Variants in HIPK2 observed in about 807,000 individuals in gnomAD.
The protein encoded by HIPK2 is homeodomain interacting protein kinase 2, also known as homeodomain-interacting protein kinase 2.
Under a neutral mutation model 113.7 loss-of-function variants are expected in HIPK2, and 27 were observed. That is an observed-to-expected ratio of 0.24 (90% CI 0.17 to 0.33). The LOEUF (loss-of-function observed/expected upper bound fraction) is 0.33, where lower values mean the gene tolerates loss of function less well. Among genes scored for constraint, HIPK2 ranks in the 10% least tolerant of loss-of-function variants. The probability of loss-of-function intolerance (pLI) is 1.00; values close to 1 mark genes in which losing one functional copy is unlikely to be tolerated. For synonymous variants in HIPK2, 631 were observed against 642.2 expected, an observed-to-expected ratio of 0.98 and a Z score of 0.26; for missense variants, 1,257 against 1,588.0, an observed-to-expected ratio of 0.79 and a Z score of 3.54.
At chr7:139,652,909 GGGGT>G (rs1801515006) in intron 2 of HIPK2, among the ~76,000 whole-genome samples, 1 of 152,096 alleles carries the variant, frequency 6.6e-6, no homozygotes, top group African/African-American at 2.4e-5. Flanking sequence ...TTGGGAGGCC[GGGGT>G]GGGTGGATCA....
intron 1 of HIPK2, among the ~76,000 whole-genome samples, chr7:139,773,291 G>C (rs11972075): frequency 0.069 from 10,428 of 152,190 alleles, 640 homozygotes; most frequent in Admixed American, 0.19. Context: ...GAAAAATAAA[G>C]ATCTGCCTAT....
At chr7:139,762,970 C>T (rs180938386) in intron 1 of HIPK2, among the ~76,000 whole-genome samples, 381 of 152,320 alleles carry the variant, frequency 2.5e-3, no homozygotes, top group Non-Finnish European at 3.6e-3. Context: ...TCAGGGAAAG[C>T]CTCCTGGAGG....
intron 2 of HIPK2, among the ~76,000 whole-genome samples, chr7:139,710,830 C>A (rs971934029): frequency 6.6e-6 from 1 of 152,042 alleles, no homozygotes; most frequent in African/African-American, 2.4e-5. Context: ...TGAGTTCTCA[C>A]GAGATTTGGT....
At chr7:139,771,502 G>A (rs932217712) in intron 1 of HIPK2, among the ~76,000 whole-genome samples, 3 of 152,028 alleles carry the variant, frequency 2.0e-5, no homozygotes, top group South Asian at 2.1e-4. Context: ...CCAGGGCTGC[G>A]TAAGTTATAA....
Position 139,562,594 on chromosome 7 carries a change from T to C in HIPK2, c.*10333A>G, listed in dbSNP as rs1797978410. The C allele has an allele frequency of 6.6e-6, 1 of 152,268 alleles. No individual in the cohort carries two copies. Among genetic ancestry groups the C allele is most frequent in the Non-Finnish European group, 1.5e-5 (1 of 68,078 alleles). 9.4% of individuals were successfully genotyped at this position (152,268 alleles called of 1,614,324 possible). A position where few individuals can be genotyped will look rare whatever the true frequency, so the allele number is the denominator to read the frequency against. On this transcript the variant is annotated 3_prime_UTR_variant, in exon 15 of 15. Coordinates refer to ENST00000406875, the MANE Select transcript of HIPK2 (RefSeq NM_022740.5). ...GATGGAAACTTCCAGTCACTCTGAT[T>C]TGTTGCCCCCGTCACCCACTGATGC...
chr7:139,752,651 C>A (rs371551027), intron 1 of HIPK2, among the ~76,000 whole-genome samples: 1 of 151,046 alleles, frequency 6.6e-6, no homozygotes, highest in South Asian at 2.1e-4. Context: ...CCAAAGTTAA[C>A]TTCTATAAAG....
At chr7:139,595,216 C>T (rs1026408301) in intron 12 of HIPK2, among the ~76,000 whole-genome samples, 1 of 152,166 alleles carries the variant, frequency 6.6e-6, no homozygotes, top group Non-Finnish European at 1.5e-5. Context: ...GCTGCTGGAC[C>T]CTTCTGATGA....
intron 8 of HIPK2, among the ~76,000 whole-genome samples, chr7:139,614,005 A>T (rs752172470): frequency 6.6e-6 from 1 of 152,236 alleles, no homozygotes; most frequent in Non-Finnish European, 1.5e-5. Flanking sequence ...ATGAAAGCAC[A>T]AACTATGTAC....
At chr7:139,597,100 G>A (rs1336857582) in intron 11 of HIPK2, 102 bp from the exon 12 acceptor site, 52 of 1,277,590 alleles carry the variant, frequency 4.1e-5, no homozygotes, top group Non-Finnish European at 5.4e-5. Flanking sequence ...CCAAATCTCT[G>A]TAAAACACGT....
intron 1 of HIPK2, among the ~76,000 whole-genome samples, chr7:139,753,329 G>A (rs1231193147): frequency 6.6e-6 from 1 of 152,308 alleles, no homozygotes; most frequent in East Asian, 1.9e-4. Context: ...GTGCTGGCGT[G>A]GCAGCTGAAC....
At chr7:139,773,264 C>G (rs1454669145) in intron 1 of HIPK2, among the ~76,000 whole-genome samples, 1 of 152,144 alleles carries the variant, frequency 6.6e-6, no homozygotes, top group Admixed American at 6.5e-5. Context: ...CCTCAAGCAT[C>G]TGGGTTTCTT....
intron 1 of HIPK2, among the ~76,000 whole-genome samples, chr7:139,775,780 G>A (rs892574840): frequency 6.6e-6 from 1 of 152,186 alleles, no homozygotes; most frequent in African/African-American, 2.4e-5. Flanking sequence ...AGCCTCGGGG[G>A]CATGGCCTAC....
At chr7:139,641,757 C>T (rs559508500) in intron 2 of HIPK2, among the ~76,000 whole-genome samples, 1 of 152,316 alleles carries the variant, frequency 6.6e-6, no homozygotes, top group African/African-American at 2.4e-5. Flanking sequence ...ACACTTTGGT[C>T]AAGTCTGAGA....
At chr7:139,766,466 C>G (rs770881273) in intron 1 of HIPK2, among the ~76,000 whole-genome samples, 3 of 152,176 alleles carry the variant, frequency 2.0e-5, no homozygotes, top group Non-Finnish European at 4.4e-5. Flanking sequence ...CTCACTTGAC[C>G]CTGTTTGATG....
chr7:139,647,341 C>A (rs535740590), intron 2 of HIPK2, among the ~76,000 whole-genome samples: 1 of 152,222 alleles, frequency 6.6e-6, no homozygotes, highest in East Asian at 1.9e-4. Flanking sequence ...TCTTTCCTAC[C>A]GCCAAGCACT....
intron 5 of HIPK2, among the ~76,000 whole-genome samples, chr7:139,627,633 A>G (rs1173170492): frequency 2.6e-5 from 4 of 152,208 alleles, no homozygotes; most frequent in African/African-American, 9.6e-5. Context: ...TAAGCTGCTA[A>G]TCAACTGACA....
At chr7:139,775,929 T>C (rs914081100) in intron 1 of HIPK2, among the ~76,000 whole-genome samples, 2 of 152,190 alleles carry the variant, frequency 1.3e-5, no homozygotes, top group African/African-American at 4.8e-5. Flanking sequence ...TTTACTATAG[T>C]TCTGAATTCA....
chr7:139,645,530 A>C (rs1015032924), intron 2 of HIPK2, among the ~76,000 whole-genome samples: 2 of 152,204 alleles, frequency 1.3e-5, no homozygotes, highest in Non-Finnish European at 2.9e-5. Flanking sequence ...CTACTGAGAA[A>C]GCAGGGCCGA....
chr7:139,650,349 C>CA (rs35368461), intron 2 of HIPK2, among the ~76,000 whole-genome samples: 8,173 of 100,050 alleles, frequency 0.082, 355 homozygotes, highest in South Asian at 0.18. Flanking sequence ...GACTCCATCT[C>CA]AAAAAAAAAA....
Sources: gnomAD v4.1 joint callset for allele counts (sites outside exome capture counted in the v4.1 genomes callset) on GRCh38, gnomAD v4.1.1 for gene constraint, MANE v1.5 for transcripts, NCBI Gene and HGNC (gene_info 2026-07-23, HGNC 2026-07-21) for gene names.